The following GUCY2C variants were observed in gnomAD, a reference collection of about 807,000 sequenced individuals.
GUCY2C encodes guanylyl cyclase C.
GUCY2C carries 118 observed loss-of-function variants against 131.1 expected under a neutral mutation model. The ratio of observed to expected loss-of-function variants is 0.90; its 90% CI spans 0.78 to 1.05. GUCY2C has a LOEUF of 1.05. Ranked by LOEUF, GUCY2C falls within the 50% of genes least tolerant of loss-of-function variation. The pLI, the probability that GUCY2C is intolerant of heterozygous loss-of-function variation, is 0.00. For missense variants in GUCY2C, 1,161 were observed against 1,304.4 expected (o/e 0.89, Z 1.69); for synonymous variants, 452 against 457.8 (o/e 0.99, Z 0.16).
In GUCY2C at chr12:14,619,290, A is replaced by G. The variant is rs1415722316; in HGVS notation, c.2796T>C (p.Val932=). The G allele has an allele frequency of 1.2e-6, 2 of 1,611,194 alleles. No individual in the cohort carries two copies. Among genetic ancestry groups the G allele is most frequent in the Non-Finnish European group, 1.7e-6 (2 of 1,177,356 alleles). The change falls in exon 24 of 27, where the codon GTT becomes GTC. Residue 932 remains valine, a synonymous_variant. Transcript: ENST00000261170. ...GVHSGPCAAG[V]VGIKMPRYCL... ...AATAACGAGGCATCTTGATTCCCAC[A>G]ACTCCAGCAGCACAGGGACCTGAAA...
chr12:14,683,331 C>G, intron 3 of GUCY2C, 74 bp from the exon 4 acceptor site: 1 of 885,830 alleles, frequency 1.1e-6, no homozygotes. Flanking sequence ...CCCTCTTTAA[C>G]CTGTTTCAGC....
intron 19 of GUCY2C, among the ~76,000 whole-genome samples, chr12:14,632,960 C>A (rs1356409428): frequency 6.6e-6 from 1 of 152,222 alleles, no homozygotes; most frequent in African/African-American, 2.4e-5. Context: ...ACTACCAACA[C>A]CAGTGCAGAC....
chr12:14,627,391 T>G (rs570627347), intron 20 of GUCY2C, among the ~76,000 whole-genome samples: 1 of 152,244 alleles, frequency 6.6e-6, no homozygotes, highest in South Asian at 2.1e-4. Context: ...CCCCAGGGAA[T>G]TTTTACTTGA....
At chr12:14,662,655 G>A (rs1172196376) in intron 10 of GUCY2C, among the ~76,000 whole-genome samples, 5 of 130,496 alleles carry the variant, frequency 3.8e-5, no homozygotes, top group South Asian at 4.7e-4. Context: ...CAGCCTGGGC[G>A]ACACAATGAG....
chr12:14,646,462 C>T lies in GUCY2C; in HGVS notation c.1711-1147G>A, dbSNP rs143675788. ...TTTTCTATGCCTTCTCTCCCTTTAG[C>T]GCACCATTCACCCATCCTACCCTGT... On this transcript the variant is annotated intron_variant, in intron 15 of 26. Transcript: ENST00000261170. 2.3e-3 allele frequency among the ~76,000 whole-genome samples: 349 copies of T among 152,194 alleles called. 3 individuals carry two copies. Among genetic ancestry groups the T allele is most frequent in the African/African-American group, 7.9e-3 (330 of 41,522 alleles).
chr12:14,674,004 G>C (rs894285248), intron 8 of GUCY2C, among the ~76,000 whole-genome samples: 1 of 152,170 alleles, frequency 6.6e-6, no homozygotes, highest in African/African-American at 2.4e-5. Context: ...GTTTCATAGA[G>C]TAAGACTCTG....
chr12:14,677,088 T>C, intron 6 of GUCY2C, 117 bp from the exon 7 acceptor site: 1 of 373,998 alleles, frequency 2.7e-6, no homozygotes, highest in South Asian at 9.6e-5. Context: ...TTTTTTTCAT[T>C]AATCTGCAAA....
chr12:14,667,485 T>C (rs965815556), intron 10 of GUCY2C, among the ~76,000 whole-genome samples: 4 of 152,220 alleles, frequency 2.6e-5, no homozygotes, highest in Admixed American at 6.5e-5. Context: ...AATCAGCTGC[T>C]AATACCTGTT....
intron 9 of GUCY2C, among the ~76,000 whole-genome samples, chr12:14,670,291 T>C (rs1948078548): frequency 2.0e-5 from 3 of 152,210 alleles, no homozygotes; most frequent in Admixed American, 2.0e-4. Flanking sequence ...TTGATACATA[T>C]CAAGGGGCCC....
At chr12:14,675,377 T>C (rs1335855123) in intron 7 of GUCY2C, among the ~76,000 whole-genome samples, 3 of 151,892 alleles carry the variant, frequency 2.0e-5, no homozygotes, top group African/African-American at 4.8e-5. Flanking sequence ...ATGAAAAACA[T>C]ACAAATGCAA....
intron 15 of GUCY2C, among the ~76,000 whole-genome samples, chr12:14,648,883 T>C (rs1007616241): frequency 2.0e-5 from 3 of 152,250 alleles, no homozygotes; most frequent in African/African-American, 4.8e-5. Flanking sequence ...TATTTTATGA[T>C]AGACAGTCTT....
chr12:14,679,794 T>A, intron 5 of GUCY2C, 41 bp from the exon 6 acceptor site: 1 of 1,006,884 alleles, frequency 9.9e-7, no homozygotes, highest in Non-Finnish European at 1.6e-6. Flanking sequence ...TATATGACAG[T>A]CTACAGACAA....
chr12:14,662,475 G>A (rs1947888235), intron 10 of GUCY2C, among the ~76,000 whole-genome samples: 1 of 152,026 alleles, frequency 6.6e-6, no homozygotes. Flanking sequence ...AGGAGATCAA[G>A]ACCAGCCTAG....
chr12:14,672,818 C>T, intron 9 of GUCY2C, 55 bp downstream of exon 9: 1 of 935,880 alleles, frequency 1.1e-6, no homozygotes, highest in South Asian at 1.3e-5. Context: ...TTCCAAGTTA[C>T]CCCTCCTCAC....
rs1477321545 is a variant in GUCY2C at position 14,683,051 on chromosome 12, T to C, written c.602A>G (p.Asp201Gly). 1 of 1,599,222 alleles carries C rather than the reference T, an allele frequency of 6.3e-7. No homozygotes were observed. Residue 201 changes from aspartate (D) to glycine (G), a missense_variant, in exon 4 of 27, where the codon GAC (aspartate) becomes GGC (glycine). Physicochemically the swap from Asp to Gly is moderately conservative, Grantham distance 94. Transcript: ENST00000261170. ...YVYKNGTETE[D>G]CFWYLNALEA... ...TAATGATCCTGCTTACCAGAAACAG[T>C]CCTCAGTTTCTGTACCATTCTTGTA...
In GUCY2C at chr12:14,643,718, T is replaced by C. The variant is rs768110191; in HGVS notation, c.1798-12A>G. On this transcript the variant is annotated splice_polypyrimidine_tract_variant and intron_variant, in intron 16 of 26. Coordinates refer to ENST00000261170, the MANE Select transcript of GUCY2C (RefSeq NM_004963.4). ...AGATATGACATTCCCTGTAATTTTT[T>C]AGATGATAGAAAAACAGAAATGTGA... 5.0e-6 allele frequency: 8 copies of C among 1,607,782 alleles called. No homozygotes were observed. The highest frequency in any genetic ancestry group is 6.8e-6 in the Non-Finnish European group (8 of 1,177,262).
chr12:14,649,181 G>A (rs1947587516), intron 15 of GUCY2C, among the ~76,000 whole-genome samples: 1 of 152,220 alleles, frequency 6.6e-6, no homozygotes, highest in African/African-American at 2.4e-5. Context: ...ATGTTTGAAA[G>A]GGGGTTACTA....
Position 14,616,716 on chromosome 12 carries a change from G to C in GUCY2C, c.2887C>G (p.His963Asp). Residue 963 changes from histidine (H) to aspartate (D), a missense_variant, in exon 25 of 27, where the codon CAC (histidine) becomes GAC (aspartate). Physicochemically the swap from His to Asp is moderately conservative, Grantham distance 81. Transcript: ENST00000261170. ...ATGGCTATGGTGGAGCCACTCACGT[G>C]AATTCTCAAAGCTGGAAATGCAAAT... Reference protein sequence around the residue: ...MESTGLPLRIHVSGSTIAILK... With the variant: ...MESTGLPLRIDVSGSTIAILK... 3.8e-6 allele frequency: 6 copies of C among 1,599,666 alleles called. No homozygotes were observed. The highest frequency in any genetic ancestry group is 5.1e-6 in the Non-Finnish European group (6 of 1,167,030).
chr12:14,635,176 A>G (rs541355776), intron 19 of GUCY2C, among the ~76,000 whole-genome samples: 4 of 152,334 alleles, frequency 2.6e-5, no homozygotes, highest in African/African-American at 9.6e-5. Context: ...TGTGATCAGC[A>G]CATGGAACAT....
Sources: allele counts gnomAD v4.1 joint callset (sites outside exome capture counted in the v4.1 genomes callset), GRCh38; gene constraint gnomAD v4.1.1; transcripts MANE v1.5; gene names NCBI Gene and HGNC (gene_info 2026-07-23, HGNC 2026-07-21).